Variants in CRELD2 observed in about 807,000 individuals in gnomAD.
The protein encoded by CRELD2 is protein disulfide isomerase CRELD2.
In CRELD2, 33 loss-of-function variants were observed where a neutral mutation model predicts 48.1. That is an observed-to-expected ratio of 0.69 (90% CI 0.52 to 0.92). CRELD2 has a LOEUF of 0.92. Ranked by LOEUF, CRELD2 falls within the 40% of genes least tolerant of loss-of-function variation. The pLI is 0.00. For synonymous variants in CRELD2, 220 were observed against 203.9 expected (o/e 1.08, Z -0.67); for missense variants, 477 against 482.4 (o/e 0.99, Z 0.10).
chr22:49,921,063 TCCACACGCCACACG>T (rs75850292), intron 4 of CRELD2, among the ~76,000 whole-genome samples: 2 of 151,990 alleles, frequency 1.3e-5, no homozygotes, highest in East Asian at 3.9e-4. Context: ...CAGCGTGCAC[TCCACACGCCACACG>T]CCACACGCCT....
intron 7 of CRELD2, chr22:49,923,997 C>A: frequency 4.3e-6 from 1 of 230,764 alleles, no homozygotes; most frequent in Non-Finnish European, 8.7e-6. Context: ...CTCAGTGAGC[C>A]ACTAATACTG....
Position 49,918,710 on chromosome 22 carries a change from G to C in CRELD2, c.-60G>C, listed in dbSNP as rs1024141452. 4 of 642,606 alleles carry C rather than the reference G, an allele frequency of 6.2e-6. No homozygotes were observed. Among genetic ancestry groups the C allele is most frequent in the South Asian group, 1.4e-4 (2 of 14,230 alleles). The allele number at this position is 642,606 out of a possible 1,614,324, so 39.8% of individuals were successfully genotyped here. On this transcript the variant is annotated 5_prime_UTR_variant, in exon 1 of 10. Coordinates refer to ENST00000328268, the MANE Select transcript of CRELD2 (RefSeq NM_024324.5). ...GGAGCGGGTGGGCGGCCGGGAGGCC[G>C]GAGCAGCACGGCCGCAGGACCTGGA...
intron 1 of CRELD2, 90 bp downstream of exon 1, chr22:49,918,988 G>C (rs1415069680): frequency 1.8e-6 from 2 of 1,118,036 alleles, no homozygotes; most frequent in Non-Finnish European, 2.4e-6. Flanking sequence ...GCCCAGGGTC[G>C]CCCTCACCCT....
rs567163097 is a variant in CRELD2, at chr22:49,921,282, C to A, written c.416-303C>A. On this transcript the variant is annotated intron_variant, in intron 4 of 9. Transcript: ENST00000328268. ...ATGTCACTAGGCAATAAGAGCCGCT[C>A]AGCTTTAGTATCATCTTAGGGGACA... 12 of 379,164 alleles carry A rather than the reference C, an allele frequency of 3.2e-5. No homozygotes were observed. In the East Asian group the frequency reaches 4.8e-4, roughly 15 times the overall value. The allele number at this position is 379,164 out of a possible 1,614,324, so 23.5% of individuals were successfully genotyped here.
chr22:49,923,247 T>G lies in CRELD2; in HGVS notation c.702T>G (p.Cys234Trp). 1 of 1,585,060 alleles carries G rather than the reference T, an allele frequency of 6.3e-7. No individual in the cohort carries two copies. The highest frequency in any genetic ancestry group is 8.6e-7 in the Non-Finnish European group (1 of 1,166,410). ...DEGACVDVDE[C>W]AAEPPPCSAA... ...GCTCTGTTCCAGATGTGGACGAGTGTGCGGCCGAGCCGCCTCCCTGCAGCG... is the reference window on the plus strand; with the variant it reads ...GCTCTGTTCCAGATGTGGACGAGTGGGCGGCCGAGCCGCCTCCCTGCAGCG... Residue 234 changes from cysteine to tryptophan, a missense_variant, in exon 7 of 10, where the codon TGT becomes TGG. By Grantham distance (215) the Cys-to-Trp change is radical (BLOSUM62 -2). Coordinates refer to ENST00000328268, the MANE Select transcript of CRELD2 (RefSeq NM_024324.5).
chr22:49,924,180 A>G (rs1055032508), intron 7 of CRELD2, 180 bp from the exon 8 acceptor site: 3 of 531,486 alleles, frequency 5.6e-6, no homozygotes, highest in Non-Finnish European at 1.0e-5. Flanking sequence ...CACCTGCTGC[A>G]CAGCAGGACG....
rs1019517721 is a variant in CRELD2 at position 49,921,420 on chromosome 22, G to A, written c.416-165G>A. ...ACTCAGGCGATCCACCGCCAGCCCT[G>A]CAGACCCAGGAAATCAGTTTCCCCA... On this transcript the variant is annotated intron_variant, in intron 4 of 9. Transcript: ENST00000328268. The A allele has an allele frequency of 5.5e-6, 4 of 730,526 alleles. No individual in the cohort carries two copies. The African/African-American group carries it at 7.2e-5, about 13-fold the overall frequency. The allele number at this position is 730,526 out of a possible 1,614,324, so 45.3% of individuals were successfully genotyped here.
chr22:49,920,914 C>T (rs1255587156), intron 4 of CRELD2, among the ~76,000 whole-genome samples: 2 of 152,238 alleles, frequency 1.3e-5, no homozygotes, highest in Non-Finnish European at 2.9e-5. Flanking sequence ...CTGCAGTCCC[C>T]GCGCCTGACG....
In CRELD2 at chr22:49,918,790, C is replaced by T; in HGVS notation, c.21C>T (p.Ala7=). 1.5e-6 allele frequency: 2 copies of T among 1,296,972 alleles called. No individual in the cohort carries two copies. Among genetic ancestry groups the T allele is most frequent in the East Asian group, 3.1e-5 (1 of 31,962 alleles). The allele number at this position is 1,296,972 out of a possible 1,614,324, so 80.3% of individuals were successfully genotyped here. ...CCGCCATGCGCCTGCCGCGCCGGGCCGCGCTGGGGCTCCTGCCGCTTCTGC... is the reference window on the plus strand; with the variant it reads ...CCGCCATGCGCCTGCCGCGCCGGGCTGCGCTGGGGCTCCTGCCGCTTCTGC... MRLPRR[A]ALGLLPLLLL... The change falls in exon 1 of 10, where the codon GCC becomes GCT. Residue 7 remains alanine (A), a synonymous_variant. Coordinates refer to ENST00000328268, the MANE Select transcript of CRELD2 (RefSeq NM_024324.5).
rs758383025 is a variant in CRELD2 at position 49,919,247 on chromosome 22, AAAG to A, written c.153_155del (p.Lys51del). 13 of 1,613,736 alleles carry A rather than the reference AAAG, an allele frequency of 8.1e-6. No homozygotes were observed. The highest frequency in any genetic ancestry group is 2.2e-5 in the East Asian group (1 of 44,874). On this transcript the variant is annotated inframe_deletion, in exon 2 of 10. Transcript: ENST00000328268. ...CCTCGCAGGGGATGGTGGACACCGC[AAAG>A]AAGAACTTTGGCGGCGGGAACACGG...
intron 4 of CRELD2, among the ~76,000 whole-genome samples, chr22:49,920,855 T>G (rs1252460726): frequency 1.3e-5 from 2 of 152,228 alleles, no homozygotes; most frequent in African/African-American, 4.8e-5. Context: ...CAGCCCCTGC[T>G]GCTGTCCCTG....
chr22:49,927,107 C>T (rs1464149185), intron 9 of CRELD2, 148 bp from the exon 10 acceptor site: 1 of 726,366 alleles, frequency 1.4e-6, no homozygotes, highest in Non-Finnish European at 2.5e-6. Context: ...AAACGGGGGT[C>T]TCCGAGCTGC....
intron 4 of CRELD2, among the ~76,000 whole-genome samples, chr22:49,920,769 ATC>A (rs2060677203): frequency 6.6e-6 from 1 of 152,222 alleles, no homozygotes; most frequent in Admixed American, 6.5e-5. Flanking sequence ...ATAAAAGCCA[ATC>A]TCGTGGTCAA....
Position 49,924,453 on chromosome 22 carries a change from C to T in CRELD2, c.866C>T (p.Ala289Val). The T allele has an allele frequency of 6.2e-7, 1 of 1,601,254 alleles. No individual in the cohort carries two copies. The change falls in exon 8 of 10, where the codon GCA becomes GTA. Residue 289 changes from alanine to valine, a missense_variant and splice_region_variant. By Grantham distance (64) the Ala-to-Val change is moderately conservative. Coordinates refer to ENST00000328268, the MANE Select transcript of CRELD2 (RefSeq NM_024324.5). ...SGYAREHGQC[A>V]DVDECSLAEK... is the part of the protein sequence containing the mutation. ...TACGCGAGGGAGCACGGACAGTGTG[C>T]AGGTCAGTGACGGGGTCTGTGCTGG...
At chr22:49,923,180 C>T (rs1027635930) in intron 6 of CRELD2, 54 bp from the exon 7 acceptor site, 40 of 1,424,216 alleles carry the variant, frequency 2.8e-5, no homozygotes, top group Middle Eastern at 2.2e-4. Context: ...GGTCCTTCCC[C>T]GCTCCCTGGC....
At chr22:49,919,964 C>T (rs973059870) in intron 3 of CRELD2, 124 bp downstream of exon 3, 2 of 819,630 alleles carry the variant, frequency 2.4e-6, no homozygotes, top group African/African-American at 1.7e-5. Context: ...CCCACCTTAC[C>T]CCTGCATTAC....
At chr22:49,922,194 C>T (rs1281585143) in intron 5 of CRELD2, 28 of 1,293,288 alleles carry the variant, frequency 2.2e-5, no homozygotes, top group South Asian at 6.2e-5. Context: ...GTGTCTCGGA[C>T]GTGAGTGTGT....
chr22:49,924,525 C>A, intron 8 of CRELD2, 70 bp downstream of exon 8: 2 of 1,127,682 alleles, frequency 1.8e-6, no homozygotes, highest in Non-Finnish European at 1.3e-6. Flanking sequence ...ATGGCCCCAG[C>A]AGGTACTGCC....
chr22:49,918,764 C>T lies in CRELD2; in HGVS notation c.-6C>T, dbSNP rs573266948. Reference sequence around the variant, plus strand: ...CCGGCTGCGTCTTCCCGCAGCGCTACCCGCCATGCGCCTGCCGCGCCGGGC... The same window carrying T: ...CCGGCTGCGTCTTCCCGCAGCGCTATCCGCCATGCGCCTGCCGCGCCGGGC... On this transcript the variant is annotated 5_prime_UTR_variant, in exon 1 of 10. Transcript: ENST00000328268. 3 of 1,133,270 alleles carry T rather than the reference C, an allele frequency of 2.6e-6. No individual in the cohort carries two copies. The East Asian group carries it at 9.7e-5, about 37-fold the overall frequency. The allele number at this position is 1,133,270 out of a possible 1,614,324, so 70.2% of individuals were successfully genotyped here.
Sources: allele counts gnomAD v4.1 joint callset (sites outside exome capture counted in the v4.1 genomes callset), GRCh38; gene constraint gnomAD v4.1.1; transcripts MANE v1.5; gene names NCBI Gene and HGNC (gene_info 2026-07-23, HGNC 2026-07-21).